Variants in NAV3 observed in about 807,000 individuals in gnomAD.
The protein encoded by NAV3 is pore membrane and/or filament interacting like protein 1.
NAV3 carries 87 observed loss-of-function variants against 244.7 expected under a neutral mutation model. The ratio of observed to expected loss-of-function variants is 0.36; its 90% CI spans 0.30 to 0.42. The LOEUF is 0.42. Among genes scored for constraint, NAV3 ranks in the 20% least tolerant of loss-of-function variants. NAV3 has a pLI of 1.00. For missense variants in NAV3, 2,663 were observed against 2,893.3 expected (o/e 0.92, Z 1.83); for synonymous variants, 1,126 against 1,042.2 (o/e 1.08, Z -1.55).
chr12:77,970,590 G>GATTTTTTATTTTTTT (rs1892917379), intron 5 of NAV3, among the ~76,000 whole-genome samples: 2 of 152,008 alleles, frequency 1.3e-5, no homozygotes, highest in Non-Finnish European at 2.9e-5. Flanking sequence ...AGTGATGGGG[G>GATTTTTTATTTTTTT]ATATTTTTTA....
chr12:78,109,487 A>G (rs763257399), intron 12 of NAV3, among the ~76,000 whole-genome samples: 1 of 152,038 alleles, frequency 6.6e-6, no homozygotes, highest in African/African-American at 2.4e-5. Flanking sequence ...CCTGACAAGG[A>G]CACCACAAAA....
chr12:78,099,219 G>T (rs552904976), intron 12 of NAV3, among the ~76,000 whole-genome samples: 1 of 150,746 alleles, frequency 6.6e-6, no homozygotes, highest in South Asian at 2.1e-4. Context: ...ATAAATTGTT[G>T]AATATATAAT....
intron 2 of NAV3, among the ~76,000 whole-genome samples, chr12:77,617,974 A>G (rs1032095733): frequency 6.6e-5 from 10 of 152,234 alleles, no homozygotes; most frequent in Admixed American, 5.9e-4. Context: ...GCAAACAACC[A>G]TGAGAAAGCA....
chr12:78,158,913 T>A (rs911221366), intron 22 of NAV3, among the ~76,000 whole-genome samples: 1 of 152,174 alleles, frequency 6.6e-6, no homozygotes, highest in Non-Finnish European at 1.5e-5. Flanking sequence ...AATCTCTACA[T>A]GATGTGCAAG....
At chr12:77,731,607 T>G (rs974579500) in intron 2 of NAV3, among the ~76,000 whole-genome samples, 3 of 151,976 alleles carry the variant, frequency 2.0e-5, no homozygotes, top group Non-Finnish European at 4.4e-5. Flanking sequence ...CAAGAGATTG[T>G]TGAGCTTTTA....
chr12:77,764,775 C>G (rs1306154211), intron 2 of NAV3, among the ~76,000 whole-genome samples: 2 of 152,184 alleles, frequency 1.3e-5, no homozygotes, highest in African/African-American at 4.8e-5. Flanking sequence ...TCTGGAGTAG[C>G]TAATTACATA....
intron 18 of NAV3, chr12:78,130,420 T>G (rs1201237582): frequency 9.0e-6 from 2 of 221,486 alleles, no homozygotes; most frequent in Non-Finnish European, 2.0e-5. Flanking sequence ...CATATTCTTT[T>G]TCTGCATGCT....
chr12:78,075,012 C>T (rs1176851170), intron 12 of NAV3, among the ~76,000 whole-genome samples: 1 of 152,146 alleles, frequency 6.6e-6, no homozygotes, highest in Non-Finnish European at 1.5e-5. Context: ...GAGGGCTGAA[C>T]ACAGGTTAAT....
At chr12:77,996,877 A>G (rs1349941928) in intron 6 of NAV3, among the ~76,000 whole-genome samples, 2 of 152,200 alleles carry the variant, frequency 1.3e-5, no homozygotes, top group East Asian at 3.8e-4. Flanking sequence ...ACACAGTGAC[A>G]TTCACATGGT....
At chr12:77,575,971 G>A (rs1335413704) in intron 2 of NAV3, among the ~76,000 whole-genome samples, 2 of 152,060 alleles carry the variant, frequency 1.3e-5, no homozygotes, top group Non-Finnish European at 2.9e-5. Flanking sequence ...ATGTTTAGAG[G>A]TATTTTTCTT....
intron 3 of NAV3, among the ~76,000 whole-genome samples, chr12:77,946,965 G>A (rs1289001440): frequency 6.6e-6 from 1 of 152,076 alleles, no homozygotes; most frequent in Non-Finnish European, 1.5e-5. Context: ...AGACAGCTAA[G>A]GATCTGGCAA....
chr12:78,061,915 A>G (rs1884382958), intron 12 of NAV3, among the ~76,000 whole-genome samples: 1 of 152,160 alleles, frequency 6.6e-6, no homozygotes, highest in Non-Finnish European at 1.5e-5. Context: ...CATAGTAGGA[A>G]TTAGAAGACA....
intron 12 of NAV3, among the ~76,000 whole-genome samples, chr12:78,104,579 G>C (rs533445144): frequency 6.6e-6 from 1 of 152,028 alleles, no homozygotes; most frequent in Admixed American, 6.6e-5. Flanking sequence ...AAACTAAAAG[G>C]CATGCCTCAA....
At chr12:78,104,059 G>C (rs1433746271) in intron 12 of NAV3, among the ~76,000 whole-genome samples, 1 of 152,194 alleles carries the variant, frequency 6.6e-6, no homozygotes, top group Non-Finnish European at 1.5e-5. Context: ...AGTTGAATTA[G>C]AGAGCAGAAT....
At chr12:77,606,263 A>G (rs1870667553) in intron 2 of NAV3, among the ~76,000 whole-genome samples, 1 of 152,160 alleles carries the variant, frequency 6.6e-6, no homozygotes, top group Non-Finnish European at 1.5e-5. Flanking sequence ...AGTGTTTGCC[A>G]TTTAAGCCAC....
chr12:78,032,492 C>A (rs1454523931), intron 9 of NAV3, among the ~76,000 whole-genome samples: 2 of 152,120 alleles, frequency 1.3e-5, no homozygotes, highest in African/African-American at 4.8e-5. Context: ...GTCTTCAGTG[C>A]ACCTCTCCAA....
At chr12:78,048,362 T>C (rs1003367412) in intron 9 of NAV3, among the ~76,000 whole-genome samples, 5 of 152,326 alleles carry the variant, frequency 3.3e-5, no homozygotes, top group African/African-American at 1.2e-4. Context: ...TTACCTACCT[T>C]TGGTCTCTGA....
intron 2 of NAV3, among the ~76,000 whole-genome samples, chr12:77,641,895 C>A (rs796877912): frequency 1.3e-5 from 2 of 152,206 alleles, no homozygotes; most frequent in African/African-American, 4.8e-5. Flanking sequence ...CCAACCAAGG[C>A]AAAAGCATTC....
At chr12:78,064,430 C>CTGTCTGTCTGTCTGTCTGTCTGT (rs1566082262) in intron 12 of NAV3, among the ~76,000 whole-genome samples, 4 of 93,352 alleles carry the variant, frequency 4.3e-5, no homozygotes, top group African/African-American at 1.8e-4. Context: ...TGTCTGTCTG[C>CTGTCTGTCTGTCTGTCTGTCTGT]CTGCCTGCCT....
Sources: gnomAD v4.1 joint callset for allele counts (sites outside exome capture counted in the v4.1 genomes callset) on GRCh38, gnomAD v4.1.1 for gene constraint, MANE v1.5 for transcripts, NCBI Gene and HGNC (gene_info 2026-07-23, HGNC 2026-07-21) for gene names.